Variants in DGLUCY observed in about 807,000 individuals in gnomAD.
The protein encoded by DGLUCY is D-glutamate cyclase, mitochondrial.
A neutral mutation model predicts 58.5 loss-of-function variants in DGLUCY; 58 were observed. The observed-to-expected ratio is 0.99, with a 90% CI of 0.80 to 1.23. The LOEUF (loss-of-function observed/expected upper bound fraction) is 1.23, where lower values mean the gene tolerates loss of function less well. Among genes scored for constraint, DGLUCY ranks in the 50% most tolerant of loss-of-function variants. The probability of loss-of-function intolerance (pLI) is 0.00; values close to 1 mark genes in which losing one functional copy is unlikely to be tolerated. For synonymous variants in DGLUCY, 325 were observed against 314.1 expected (o/e 1.03, Z -0.37); for missense variants, 779 against 784.7 (o/e 0.99, Z 0.09).
intron 1 of DGLUCY, among the ~76,000 whole-genome samples, chr14:91,078,326 A>G (rs1048591723): frequency 6.6e-6 from 1 of 152,224 alleles, no homozygotes; most frequent in Non-Finnish European, 1.5e-5. Flanking sequence ...GCTAATGAGC[A>G]ATTAGATTGA....
At position 91,068,079 on chromosome 14, in the gene DGLUCY, GCACACA is replaced by G. The variant is rs57428509; in HGVS notation, c.-82+7407_-82+7412del. Among the ~76,000 whole-genome samples the G allele has an allele frequency of 8.0e-3, 1,178 of 146,404 alleles. 4 individuals carry two copies. The highest frequency in any genetic ancestry group is 0.016 in the African/African-American group (638 of 38,950). ...CGCGTGCACACACACACACGCGCAC[GCACACA>G]CACACACACACACACACACACACAC... On this transcript the variant is annotated intron_variant, in intron 1 of 4. Coordinates refer to the DGLUCY transcript ENST00000521334.
chr14:91,090,308 C>T (rs189493703), intron 1 of DGLUCY, among the ~76,000 whole-genome samples: 235 of 152,248 alleles, frequency 1.5e-3, no homozygotes, highest in South Asian at 4.2e-3. Flanking sequence ...CTCCCTGGAC[C>T]TCAGCCAGAA....
chr14:91,190,328 A>G (rs2049805931), intron 9 of DGLUCY, among the ~76,000 whole-genome samples: 2 of 152,184 alleles, frequency 1.3e-5, no homozygotes, highest in Non-Finnish European at 2.9e-5. Flanking sequence ...AAAACTGACA[A>G]CAGTCCTGCC....
chr14:91,109,639 A>G (rs2044660132), upstream of DGLUCY, among the ~76,000 whole-genome samples: 2 of 152,100 alleles, frequency 1.3e-5, no homozygotes, highest in Non-Finnish European at 2.9e-5. Flanking sequence ...CCAGATGGCC[A>G]CCTTATCACT....
chr14:91,079,394 C>T (rs187280536), intron 1 of DGLUCY, among the ~76,000 whole-genome samples: 7 of 148,516 alleles, frequency 4.7e-5, no homozygotes, highest in South Asian at 2.1e-4. Flanking sequence ...CTTGCTCTGT[C>T]GCCAGGCTGG....
Position 91,217,554 on chromosome 14 carries a change from G to A in DGLUCY, c.1716+1998G>A, listed in dbSNP as rs528773104. Among the ~76,000 whole-genome samples, 305 of 149,832 alleles carry A rather than the reference G, an allele frequency of 2.0e-3. 1 individual carries two copies. The highest frequency in any genetic ancestry group is 6.7e-3 in the African/African-American group (273 of 40,730). ...GGCTGGAGTATAGTGGCACGATCTC[G>A]GCTCACCGCAACCTCCACCCCCCAA... is the stretch of plus-strand genomic sequence containing the variant. On this transcript the variant is annotated intron_variant, in intron 13 of 13. Transcript: ENST00000256324.
chr14:91,159,324 G>A (rs2047847825), intron 2 of DGLUCY, among the ~76,000 whole-genome samples: 1 of 152,042 alleles, frequency 6.6e-6, no homozygotes, highest in Non-Finnish European at 1.5e-5. Flanking sequence ...GCACATACCT[G>A]TAATCCCAGA....
intron 1 of DGLUCY, among the ~76,000 whole-genome samples, chr14:91,141,949 G>A (rs965880107): frequency 2.7e-4 from 41 of 151,736 alleles, no homozygotes; most frequent in Non-Finnish European, 4.6e-4. Flanking sequence ...AGGTTCAAGC[G>A]ATTCTCCTGC....
chr14:91,185,584 A>AT, intron 8 of DGLUCY: 1 of 151,556 alleles, frequency 6.6e-6, no homozygotes, highest in South Asian at 2.1e-4. Flanking sequence ...GGGTGGGTAT[A>AT]TTTTTTAAAA....
chr14:91,112,855 T>C (rs1252306049), upstream of DGLUCY, among the ~76,000 whole-genome samples: 4 of 151,532 alleles, frequency 2.6e-5, no homozygotes. Context: ...CTGTTTCTAC[T>C]AAAAATACAA....
rs762023318 is a variant in DGLUCY at position 91,199,777 on chromosome 14, T to C, written c.1316T>C (p.Ile439Thr). The C allele has an allele frequency of 2.5e-6, 4 of 1,614,152 alleles. No homozygotes were observed. Among genetic ancestry groups the C allele is most frequent in the Admixed American group, 1.7e-5 (1 of 60,022 alleles). Residue 439 changes from isoleucine to threonine, a missense_variant, in exon 11 of 14, where the codon ATA becomes ACA. Ile to Thr is a moderately conservative substitution (Grantham distance 89). Coordinates refer to ENST00000256324, the MANE Select transcript of DGLUCY (RefSeq NM_001102368.3). ...QTPRFDHLVA[I>T]ERAGRAADGN... is the part of the protein sequence containing the mutation. The stretch of plus-strand genomic sequence containing the variant: ...GGCAGATTTGACCACCTGGTGGCCA[T>C]AGAGCGTGCCGGAAGAGCTGCTGAT...
Position 91,181,307 on chromosome 14 carries a change from A to G in DGLUCY, c.852A>G (p.Gln284=), listed in dbSNP as rs767519377. The change falls in exon 8 of 14, where the codon CAA becomes CAG. Residue 284 remains glutamine (Q), a synonymous_variant. Transcript: ENST00000256324. ...ERIPEVHHIS[Q]DPLHYSIASV... The stretch of plus-strand genomic sequence containing the variant: ...TTCCAGAGGTCCATCACATTTCCCA[A>G]GATCCTCTGCACTACAGCATCGCGT... 26 of 1,614,096 alleles carry G rather than the reference A, an allele frequency of 1.6e-5. No homozygotes were observed. In the South Asian group the frequency reaches 2.6e-4, roughly 16 times the overall value.
intron 1 of DGLUCY, among the ~76,000 whole-genome samples, chr14:91,154,921 C>T (rs771934465): frequency 1.3e-5 from 2 of 152,316 alleles, no homozygotes; most frequent in East Asian, 3.9e-4. Context: ...GCTCCCGCCA[C>T]CTCCTGCCTT....
At chr14:91,124,924 C>G (rs2045585507) in intron 1 of DGLUCY, among the ~76,000 whole-genome samples, 1 of 152,222 alleles carries the variant, frequency 6.6e-6, no homozygotes, top group African/African-American at 2.4e-5. Context: ...TATACTGGTC[C>G]AAGCAAGTAT....
rs566674032 is a variant in DGLUCY at position 91,199,311 on chromosome 14, G to A, written c.1296-446G>A. 2.0e-5 allele frequency among the ~76,000 whole-genome samples: 3 copies of A among 151,642 alleles called. No homozygotes were observed. The East Asian group carries it at 5.8e-4, about 30-fold the overall frequency. The stretch of plus-strand genomic sequence containing the variant: ...GTCTTACTCTGTCGCCCAGGCTGGA[G>A]TGCAGTGGTGCGATCTCAGCTCACT... On this transcript the variant is annotated intron_variant, in intron 10 of 13. Transcript: ENST00000256324.
intron 8 of DGLUCY, among the ~76,000 whole-genome samples, chr14:91,185,054 A>G (rs1037103562): frequency 6.6e-6 from 1 of 151,078 alleles, no homozygotes; most frequent in African/African-American, 2.4e-5. Context: ...TGCAACCGCC[A>G]CCTCCTGGGT....
intron 1 of DGLUCY, among the ~76,000 whole-genome samples, chr14:91,120,538 A>G (rs748304270): frequency 6.6e-6 from 1 of 151,998 alleles, no homozygotes; most frequent in Non-Finnish European, 1.5e-5. Context: ...CAGCCTCCTG[A>G]GTAGCAGGGA....
chr14:91,184,659 AGGAGGGAG>A (rs1286048194), intron 8 of DGLUCY, among the ~76,000 whole-genome samples: 1 of 17,562 alleles, frequency 5.7e-5, no homozygotes, highest in Admixed American at 7.1e-4. Flanking sequence ...GAGGGAGGGA[AGGAGGGAG>A]GGAGGGAGGG....
chr14:91,185,887 A>G (rs2049487096), intron 8 of DGLUCY, among the ~76,000 whole-genome samples: 1 of 152,128 alleles, frequency 6.6e-6, no homozygotes, highest in South Asian at 2.1e-4. Context: ...TGTTGATGTC[A>G]TCTGTTAAGG....
Sources: gnomAD v4.1 joint callset for allele counts (sites outside exome capture counted in the v4.1 genomes callset) on GRCh38, gnomAD v4.1.1 for gene constraint, MANE v1.5 for transcripts, NCBI Gene and HGNC (gene_info 2026-07-23, HGNC 2026-07-21) for gene names.